Variants in AK9 observed in about 807,000 individuals in gnomAD.
AK9 encodes adenylate kinase 9.
In AK9, 191 loss-of-function variants were observed where a neutral mutation model predicts 239.6. That is an observed-to-expected ratio of 0.80 (90% CI 0.71 to 0.90). The LOEUF is 0.90. Ranked by LOEUF, AK9 falls within the 40% of genes least tolerant of loss-of-function variation. AK9 has a pLI of 0.00. For missense variants in AK9, 1,995 were observed against 2,214.7 expected (o/e 0.90, Z 1.99); for synonymous variants, 689 against 721.0 (o/e 0.96, Z 0.71).
intron 21 of AK9, among the ~76,000 whole-genome samples, chr6:109,570,158 T>C (rs1164000533): frequency 6.6e-6 from 1 of 152,094 alleles, no homozygotes; most frequent in East Asian, 1.9e-4. Context: ...GAAACCATCA[T>C]TCTCAGCAAA....
At chr6:109,608,518 T>C (rs1793195655) in intron 17 of AK9, among the ~76,000 whole-genome samples, 1 of 152,064 alleles carries the variant, frequency 6.6e-6, no homozygotes, top group Non-Finnish European at 1.5e-5. Context: ...TGATGTTAAG[T>C]ACCTTTTTAT....
At chr6:109,677,865 A>G (rs1771993434) in intron 1 of AK9, among the ~76,000 whole-genome samples, 1 of 152,232 alleles carries the variant, frequency 6.6e-6, no homozygotes, top group South Asian at 2.1e-4. Context: ...AATAATAATC[A>G]GATAATATTA....
At chr6:109,681,639 A>G (rs1437301877) in intron 1 of AK9, among the ~76,000 whole-genome samples, 2 of 152,218 alleles carry the variant, frequency 1.3e-5, no homozygotes, top group Non-Finnish European at 2.9e-5. Context: ...TCAACAGAAT[A>G]TACATTCTTC....
At position 109,566,437 on chromosome 6, in the gene AK9, T is replaced by C. The variant is rs1327670989; in HGVS notation, c.2345-1592A>G. ...TTTTACTTCTGAAGACAATTTCTTA[T>C]ATAAAGCAGAGTAAATTTTACAAGA... On this transcript the variant is annotated intron_variant, in intron 21 of 40. Coordinates refer to ENST00000424296, the MANE Select transcript of AK9 (RefSeq NM_001145128.3). Among the ~76,000 whole-genome samples the C allele has an allele frequency of 3.3e-5, 5 of 152,128 alleles. No homozygotes were observed. In the South Asian group the frequency reaches 6.2e-4, roughly 19 times the overall value.
Position 109,516,001 on chromosome 6 carries a change from T to A in AK9, c.3921A>T (p.Thr1307=). The part of the protein sequence containing the change: ...GARRNHIVQY[T]LNMKLKPLVE... ...CCAGTGGTTTCAGTTTCATATTCAA[T>A]GTATATTGTACAATGTGATTTCTCC... Residue 1307 remains threonine, a synonymous_variant, in exon 31 of 41, where the codon ACA becomes ACT. Coordinates refer to ENST00000424296, the MANE Select transcript of AK9 (RefSeq NM_001145128.3). The A allele has an allele frequency of 6.4e-7, 1 of 1,551,400 alleles. No individual in the cohort carries two copies. The highest frequency in any genetic ancestry group is 8.7e-7 in the Non-Finnish European group (1 of 1,146,698).
chr6:109,497,629 A>G, intron 37 of AK9, 66 bp from the exon 38 acceptor site: 1 of 1,365,610 alleles, frequency 7.3e-7, no homozygotes, highest in Non-Finnish European at 1.0e-6. Context: ...GTGTAAATAA[A>G]AAGTCAAAAG....
At chr6:109,542,580 C>T (rs557890266) in intron 26 of AK9, among the ~76,000 whole-genome samples, 30 of 152,134 alleles carry the variant, frequency 2.0e-4, no homozygotes, top group African/African-American at 6.8e-4. Context: ...CACAGGTACC[C>T]CATAAATATG....
intron 21 of AK9, among the ~76,000 whole-genome samples, chr6:109,570,907 C>T (rs1012525010): frequency 6.6e-6 from 1 of 152,052 alleles, no homozygotes; most frequent in African/African-American, 2.4e-5. Context: ...TGAAAAGGAT[C>T]CTTTGAGCAC....
intron 8 of AK9, among the ~76,000 whole-genome samples, 183 bp from the exon 9 acceptor site, chr6:109,644,871 C>T (rs1383234162): frequency 2.6e-5 from 4 of 152,206 alleles, no homozygotes; most frequent in African/African-American, 9.7e-5. Flanking sequence ...AATCTTCTCA[C>T]CATGAATTTT....
At chr6:109,616,149 A>G (rs972783971) in intron 13 of AK9, among the ~76,000 whole-genome samples, 3 of 152,170 alleles carry the variant, frequency 2.0e-5, no homozygotes, top group Non-Finnish European at 2.9e-5. Flanking sequence ...GGAAATAAAT[A>G]TAAGTATTGG....
chr6:109,677,188 A>G (rs931489914), intron 1 of AK9, among the ~76,000 whole-genome samples: 1 of 152,136 alleles, frequency 6.6e-6, no homozygotes, highest in Non-Finnish European at 1.5e-5. Context: ...CCAAACTCCT[A>G]TGACATGCAA....
intron 10 of AK9, among the ~76,000 whole-genome samples, chr6:109,639,825 A>G (rs1159159652): frequency 6.6e-6 from 1 of 152,182 alleles, no homozygotes; most frequent in Non-Finnish European, 1.5e-5. Flanking sequence ...TAATTTTTGT[A>G]TAAGGTGTAA....
chr6:109,614,023 T>TACA (rs1332624892), intron 15 of AK9, among the ~76,000 whole-genome samples, 160 bp downstream of exon 15: 3 of 152,248 alleles, frequency 2.0e-5, no homozygotes, highest in African/African-American at 7.2e-5. Context: ...ACTTCTGTTC[T>TACA]ACAGTTGTTC....
intron 12 of AK9, among the ~76,000 whole-genome samples, chr6:109,623,786 T>C (rs1795144767): frequency 6.6e-6 from 1 of 151,758 alleles, no homozygotes; most frequent in Non-Finnish European, 1.5e-5. Context: ...TTCCTTCTAA[T>C]TTACACTTTA....
At chr6:109,604,839 G>C (rs573372303) in intron 17 of AK9, among the ~76,000 whole-genome samples, 2 of 152,048 alleles carry the variant, frequency 1.3e-5, no homozygotes, top group African/African-American at 2.4e-5. Flanking sequence ...TCTATTTATT[G>C]ATATATGCTT....
intron 24 of AK9, among the ~76,000 whole-genome samples, chr6:109,562,963 C>A (rs1296179816): frequency 2.6e-5 from 4 of 152,060 alleles, no homozygotes; most frequent in Non-Finnish European, 5.9e-5. Flanking sequence ...TTAGCCATCC[C>A]AAAGAAAGGC....
At chr6:109,654,170 A>C (rs1799360061) in intron 8 of AK9, among the ~76,000 whole-genome samples, 1 of 152,154 alleles carries the variant, frequency 6.6e-6, no homozygotes, top group South Asian at 2.1e-4. Flanking sequence ...AAGTTTGAAC[A>C]AAATCATCTC....
chr6:109,601,191 C>T (rs1169697692), intron 17 of AK9, among the ~76,000 whole-genome samples: 2 of 152,132 alleles, frequency 1.3e-5, no homozygotes, highest in African/African-American at 2.4e-5. Context: ...TTAGATCTTG[C>T]CTGCTTTCTC....
Position 109,625,057 on chromosome 6 carries a change from T to C in AK9, c.1255-5821A>G, listed in dbSNP as rs140962594. 3.9e-4 allele frequency among the ~76,000 whole-genome samples: 59 copies of C among 152,308 alleles called. 1 individual carries two copies. The highest frequency in any genetic ancestry group is 5.6e-4 in the Non-Finnish European group (38 of 68,024). On this transcript the variant is annotated intron_variant, in intron 12 of 40. Coordinates refer to ENST00000424296, the MANE Select transcript of AK9 (RefSeq NM_001145128.3). The stretch of plus-strand genomic sequence containing the variant: ...TTCCAAATGTTCCCTTTTCTGTTTC[T>C]AATATCCTGATCTAGTTTCTGGATT...
Sources: gnomAD v4.1 joint callset for allele counts (sites outside exome capture counted in the v4.1 genomes callset) on GRCh38, gnomAD v4.1.1 for gene constraint, MANE v1.5 for transcripts, NCBI Gene and HGNC (gene_info 2026-07-23, HGNC 2026-07-21) for gene names.